TSPAN18: variants seen among roughly 807,000 people sequenced by gnomAD.
TSPAN18 encodes tetraspanin 18, also known as tetraspanin-18.
In TSPAN18, 14 loss-of-function variants were observed where a neutral mutation model predicts 27.3. The ratio of observed to expected loss-of-function variants is 0.51; its 90% CI spans 0.34 to 0.80. The LOEUF (loss-of-function observed/expected upper bound fraction) is 0.80, where lower values mean the gene tolerates loss of function less well. Among genes scored for constraint, TSPAN18 ranks in the 30% least tolerant of loss-of-function variants. The probability of loss-of-function intolerance (pLI) is 0.01; values close to 1 mark genes in which losing one functional copy is unlikely to be tolerated. For missense variants in TSPAN18, 268 were observed against 323.9 expected (o/e 0.83, Z 1.32); for synonymous variants, 143 against 136.5 (o/e 1.05, Z -0.33).
At chr11:44,893,558 T>C (rs993795683) in intron 3 of TSPAN18, among the ~76,000 whole-genome samples, 27 of 152,216 alleles carry the variant, frequency 1.8e-4, no homozygotes, top group African/African-American at 6.5e-4. Context: ...GCAAGAATCA[T>C]TGTTAGTCTT....
intron 9 of TSPAN18, among the ~76,000 whole-genome samples, chr11:44,928,768 A>T (rs1248619110): frequency 6.6e-6 from 1 of 151,778 alleles, no homozygotes; most frequent in Non-Finnish European, 1.5e-5. Context: ...CCTGGGCAAC[A>T]GAGTGAGACT....
chr11:44,854,194 A>AGGGGGGGG (rs1565178290), intron 2 of TSPAN18, among the ~76,000 whole-genome samples: 1 of 2,142 alleles, frequency 4.7e-4, no homozygotes, highest in African/African-American at 9.2e-4. Flanking sequence ...TCATTGGGGC[A>AGGGGGGGG]GGGGGTGGGG....
intron 9 of TSPAN18, among the ~76,000 whole-genome samples, chr11:44,928,764 C>A (rs1465116085): frequency 1.3e-5 from 2 of 151,600 alleles, no homozygotes; most frequent in Non-Finnish European, 2.9e-5. Flanking sequence ...CCAGCCTGGG[C>A]AACAGAGTGA....
chr11:44,825,567 T>C lies in TSPAN18; in HGVS notation c.-152-34761T>C, dbSNP rs567396392. 3.9e-5 allele frequency among the ~76,000 whole-genome samples: 6 copies of C among 152,258 alleles called. No homozygotes were observed. The South Asian group carries it at 1.2e-3, about 32-fold the overall frequency. ...TAGAACAAGGCTGGTCTTGCCTGAC[T>C]TGATGCATCCCAGCGGGACCCCTCC... On this transcript the variant is annotated intron_variant, in intron 2 of 9. Transcript: ENST00000520358.
At chr11:44,850,246 A>T (rs1665144) in intron 2 of TSPAN18, among the ~76,000 whole-genome samples, 51,002 of 151,928 alleles carry the variant, frequency 0.34, 8,726 homozygotes, top group South Asian at 0.37. Context: ...AGTGATATGT[A>T]GATACATTCT....
At position 44,791,496 on chromosome 11, in the gene TSPAN18, A is replaced by G. The variant is rs113918126; in HGVS notation, c.-153+26984A>G. On this transcript the variant is annotated intron_variant, in intron 2 of 9. Transcript: ENST00000520358. ...AAGCCTTGGCAATGATTCCGGAGCGAGTGGGGCATTTGTTTCCATTCTGAA... is the reference window on the plus strand; with the variant it reads ...AAGCCTTGGCAATGATTCCGGAGCGGGTGGGGCATTTGTTTCCATTCTGAA... Among the ~76,000 whole-genome samples the G allele has an allele frequency of 7.1e-3, 1,087 of 152,318 alleles. 5 individuals are homozygous for G. The highest frequency in any genetic ancestry group is 1.0e-2 in the Non-Finnish European group (679 of 68,032).
intron 3 of TSPAN18, among the ~76,000 whole-genome samples, chr11:44,869,081 C>CT (rs1565184593): frequency 6.6e-6 from 1 of 152,178 alleles, no homozygotes; most frequent in Non-Finnish European, 1.5e-5. Flanking sequence ...GGCTTAGGCC[C>CT]TTTTTTCTGC....
At chr11:44,928,983 G>C (rs567341678) in intron 9 of TSPAN18, 148 bp from the exon 10 acceptor site, 292 of 1,006,620 alleles carry the variant, frequency 2.9e-4, no homozygotes, top group Non-Finnish European at 4.1e-4. Flanking sequence ...GGTGAGAAGG[G>C]CTGGCCCCAG....
At chr11:44,896,035 C>T (rs1294228806) in intron 3 of TSPAN18, among the ~76,000 whole-genome samples, 2 of 152,180 alleles carry the variant, frequency 1.3e-5, no homozygotes, top group Admixed American at 6.5e-5. Context: ...TGGTTATTTG[C>T]ACCTTGCACT....
intron 2 of TSPAN18, among the ~76,000 whole-genome samples, chr11:44,778,836 A>C (rs1343718962): frequency 6.6e-6 from 1 of 152,084 alleles, no homozygotes; most frequent in Non-Finnish European, 1.5e-5. Flanking sequence ...GCTGACACCA[A>C]GGGCAGGGCT....
At chr11:44,754,641 T>C (rs1855290492) in intron 1 of TSPAN18, among the ~76,000 whole-genome samples, 1 of 152,220 alleles carries the variant, frequency 6.6e-6, no homozygotes, top group Non-Finnish European at 1.5e-5. Flanking sequence ...ACTATGGTGT[T>C]GGCCACACCT....
At position 44,929,156 on chromosome 11, in the gene TSPAN18, G is replaced by T. The variant is rs576717723; in HGVS notation, c.725G>T (p.Cys242Phe). The change falls in exon 10 of 10, where the codon TGC (cysteine) becomes TTC (phenylalanine). Residue 242 changes from cysteine (C) to phenylalanine (F), a missense_variant. By Grantham distance (205) the Cys-to-Phe change is radical. Transcript: ENST00000520358. The part of the protein sequence containing the change: ...IELFAMIFAM[C>F]LFRGIQ ...CTTTTCGCCATGATCTTTGCCATGT[G>T]CCTCTTCCGGGGCATCCAGTAGAGG... is the stretch of plus-strand genomic sequence containing the variant. 3.7e-6 allele frequency: 6 copies of T among 1,613,484 alleles called. No individual in the cohort carries two copies. The South Asian group carries it at 6.6e-5, about 18-fold the overall frequency.
chr11:44,749,529 A>G (rs537937891), intron 1 of TSPAN18, among the ~76,000 whole-genome samples: 1 of 151,872 alleles, frequency 6.6e-6, no homozygotes, highest in Admixed American at 6.5e-5. Context: ...TGGCCACCAG[A>G]GTGTCTTGGG....
chr11:44,819,109 G>T (rs1856873508), intron 2 of TSPAN18, among the ~76,000 whole-genome samples: 1 of 152,196 alleles, frequency 6.6e-6, no homozygotes, highest in Non-Finnish European at 1.5e-5. Context: ...GCTGGATCTG[G>T]GGAAGGAGTC....
At chr11:44,908,779 GAAAGAA>G (rs1564992665) in intron 4 of TSPAN18, among the ~76,000 whole-genome samples, 3 of 105,852 alleles carry the variant, frequency 2.8e-5, no homozygotes, top group South Asian at 6.7e-4. Context: ...GAGAAAGAAA[GAAAGAA>G]AGAAAGAAAG....
intron 4 of TSPAN18, among the ~76,000 whole-genome samples, chr11:44,909,249 T>C (rs1463564837): frequency 6.6e-6 from 1 of 152,098 alleles, no homozygotes; most frequent in Non-Finnish European, 1.5e-5. Context: ...TTCATGGACC[T>C]TTGTTTAGGG....
intron 3 of TSPAN18, among the ~76,000 whole-genome samples, chr11:44,891,893 G>A (rs772500166): frequency 2.0e-5 from 3 of 152,190 alleles, no homozygotes; most frequent in Admixed American, 6.5e-5. Flanking sequence ...AAGCACGAAC[G>A]TAGGCAGGAG....
chr11:44,890,654 C>T (rs944277371), intron 3 of TSPAN18, among the ~76,000 whole-genome samples: 7 of 148,916 alleles, frequency 4.7e-5, no homozygotes, highest in Non-Finnish European at 8.9e-5. Flanking sequence ...ACCCAGGAGG[C>T]GGAGCTTGCC....
At chr11:44,905,042 C>G (rs958932699) in intron 3 of TSPAN18, among the ~76,000 whole-genome samples, 1 of 152,046 alleles carries the variant, frequency 6.6e-6, no homozygotes, top group Non-Finnish European at 1.5e-5. Flanking sequence ...ACAGTGGCTA[C>G]GATTATTACT....
Sources: gnomAD v4.1 joint callset for allele counts (sites outside exome capture counted in the v4.1 genomes callset) on GRCh38, gnomAD v4.1.1 for gene constraint, MANE v1.5 for transcripts, NCBI Gene and HGNC (gene_info 2026-07-23, HGNC 2026-07-21) for gene names.